Variants in RASGRP4 observed in about 807,000 individuals in gnomAD.
The protein encoded by RASGRP4 is RAS guanyl releasing protein 4, also known as RAS guanyl-releasing protein 4.
In RASGRP4, 52 loss-of-function variants were observed where a neutral mutation model predicts 84.4. The ratio of observed to expected loss-of-function variants is 0.62; its 90% CI spans 0.49 to 0.78. The LOEUF is 0.78. RASGRP4 is among the 30% of genes least tolerant of loss of function. The probability of loss-of-function intolerance (pLI) is 0.00; values close to 1 mark genes in which losing one functional copy is unlikely to be tolerated. For missense variants in RASGRP4, 760 were observed against 886.9 expected, an observed-to-expected ratio of 0.86 and a Z score of 1.82; for synonymous variants, 356 against 359.1, an observed-to-expected ratio of 0.99 and a Z score of 0.10.
Position 38,421,960 on chromosome 19 carries a change from G to A in RASGRP4, c.208+9C>T. 6.2e-7 allele frequency: 1 copy of A among 1,606,694 alleles called. No homozygotes were observed. Among genetic ancestry groups the A allele is most frequent in the Non-Finnish European group, 8.5e-7 (1 of 1,177,040 alleles). The stretch of plus-strand genomic sequence containing the variant: ...GGGCCAGGGAGGCTGCTGGGGAGAG[G>A]ACACTTACCGAAGGACTGGATGCAT... On this transcript the variant is annotated intron_variant, in intron 2 of 16. Coordinates refer to ENST00000615439, the MANE Select transcript of RASGRP4 (RefSeq NM_170604.3).
In RASGRP4 at chr19:38,413,058, G is replaced by A; in HGVS notation, c.1417-9C>T. ...TAATTCTTGAACACAGACTTCAGAG[G>A]AGTGTGGGGAAGCAGATAAGGCCCA... On this transcript the variant is annotated splice_polypyrimidine_tract_variant and intron_variant, in intron 11 of 16. Transcript: ENST00000615439. This position sits in a 1 kb window ranked among gnomAD's most constrained non-coding sequence, Gnocchi z 4.7. 1 of 1,609,378 alleles carries A rather than the reference G, an allele frequency of 6.2e-7. No individual in the cohort carries two copies. The highest frequency in any genetic ancestry group is 8.5e-7 in the Non-Finnish European group (1 of 1,175,674).
chr19:38,418,533 C>T lies in RASGRP4; in HGVS notation c.695G>A (p.Gly232Asp), dbSNP rs1200371680. The T allele has an allele frequency of 1.3e-6, 2 of 1,542,480 alleles. No homozygotes were observed. The highest frequency in any genetic ancestry group is 1.7e-6 in the Non-Finnish European group (2 of 1,143,032). Residue 232 changes from glycine to aspartate, a missense_variant, in exon 7 of 17, where the codon GGC (glycine) becomes GAC (aspartate). Physicochemically the swap from Gly to Asp is moderately conservative, Grantham distance 94. Coordinates refer to ENST00000615439, the MANE Select transcript of RASGRP4 (RefSeq NM_170604.3). The surrounding 1 kb of genome is among the most constrained non-coding windows in gnomAD (Gnocchi z 4.6). Reference protein sequence around the residue: ...PQDLRSYVLQGSVRGCPALEG... With the variant: ...PQDLRSYVLQDSVRGCPALEG... ...CAGGGCCGGGCAGCCTCGTACTGAG[C>T]CCTGCAAAACGTAGCTCCGCAGGTC...
At chr19:38,410,422 T>C (rs1039246209) in intron 16 of RASGRP4, among the ~76,000 whole-genome samples, 1 of 151,406 alleles carries the variant, frequency 6.6e-6, no homozygotes, top group Non-Finnish European at 1.5e-5. Context: ...TTCTTTTTTT[T>C]TTTTTTTTGA....
chr19:38,415,527 C>T (rs1276318963), intron 8 of RASGRP4, among the ~76,000 whole-genome samples: 1 of 151,816 alleles, frequency 6.6e-6, no homozygotes, highest in Non-Finnish European at 1.5e-5. Context: ...CATTGAGCCA[C>T]CACGCCAGGC....
chr19:38,416,756 A>AGCCAGTCCTCC (rs1156817509), intron 8 of RASGRP4, among the ~76,000 whole-genome samples: 1 of 152,156 alleles, frequency 6.6e-6, no homozygotes, highest in East Asian at 1.9e-4. Context: ...TTCTGACCTC[A>AGCCAGTCCTCC]GCCAGTCCTC....
Position 38,426,184 on chromosome 19 carries a change from G to T in RASGRP4, c.-93C>A, listed in dbSNP as rs1971988138. On this transcript the variant is annotated 5_prime_UTR_variant, in exon 1 of 17. Transcript: ENST00000615439. The stretch of plus-strand genomic sequence containing the variant: ...GGACTCCAGCTTCTCAGCCCCTAGG[G>T]AGCTGGGGCCTCCTCGGTGCTTGGG... 5.7e-6 allele frequency: 6 copies of T among 1,052,542 alleles called. No individual in the cohort carries two copies. The highest frequency in any genetic ancestry group is 7.4e-6 in the Non-Finnish European group (6 of 810,008). 65.2% of individuals were successfully genotyped at this position (1,052,542 alleles called of 1,614,324 possible).
Position 38,420,971 on chromosome 19 carries a change from T to C in RASGRP4, c.315-1A>G. 6.2e-7 allele frequency: 1 copy of C among 1,613,930 alleles called. No individual in the cohort carries two copies. Among genetic ancestry groups the C allele is most frequent in the Non-Finnish European group, 8.5e-7 (1 of 1,179,858 alleles). ...GGTGTCCCCTGTGGCCTTCTGGTATTTGAGTTCTGGTCAAGGCTCTGTTTT... is the reference window on the plus strand; with the variant it reads ...GGTGTCCCCTGTGGCCTTCTGGTATCTGAGTTCTGGTCAAGGCTCTGTTTT... On this transcript the variant is annotated splice_acceptor_variant, in intron 3 of 16. Transcript: ENST00000615439. LOFTEE classifies it high-confidence loss of function.
Position 38,417,233 on chromosome 19 carries a change from C to T in RASGRP4, c.838-65G>A. The T allele has an allele frequency of 1.9e-6, 2 of 1,029,272 alleles. No homozygotes were observed. Among genetic ancestry groups the T allele is most frequent in the Non-Finnish European group, 3.0e-6 (2 of 671,972 alleles). 63.8% of individuals were successfully genotyped at this position (1,029,272 alleles called of 1,614,324 possible). On this transcript the variant is annotated intron_variant, in intron 7 of 16. Coordinates refer to ENST00000615439, the MANE Select transcript of RASGRP4 (RefSeq NM_170604.3). This position sits in a 1 kb window ranked among gnomAD's most constrained non-coding sequence, Gnocchi z 5.1. ...GAGGGCAAGTCAGGAGTTCAGATGACAGCATCCCAGTTGAGGTGGGGTCCC... is the reference window on the plus strand; with the variant it reads ...GAGGGCAAGTCAGGAGTTCAGATGATAGCATCCCAGTTGAGGTGGGGTCCC...
chr19:38,420,764 G>C (rs58468353), intron 4 of RASGRP4, 144 bp downstream of exon 4: 7,662 of 746,112 alleles, frequency 0.01, 230 homozygotes, highest in African/African-American at 0.086. Flanking sequence ...CCAAGCTACA[G>C]GTGTCTCAGA....
chr19:38,418,861 T>C lies in RASGRP4; in HGVS notation c.664-297A>G, dbSNP rs953901470. On this transcript the variant is annotated intron_variant, in intron 6 of 16. Transcript: ENST00000615439. This position sits in a 1 kb window ranked among gnomAD's most constrained non-coding sequence, Gnocchi z 4.6. ...TCATTCCATTTTAGAGGTGAGACAG[T>C]TGAGGCACATAGAGGATAGGTAATT... 6.6e-6 allele frequency among the ~76,000 whole-genome samples: 1 copy of C among 152,196 alleles called. No homozygotes were observed. The highest frequency in any genetic ancestry group is 2.4e-5 in the African/African-American group (1 of 41,446).
Position 38,409,150 on chromosome 19 carries a change from G to T in RASGRP4, c.*890C>A, listed in dbSNP as rs550126874. The T allele has an allele frequency of 1.1e-4, 35 of 322,058 alleles. No individual in the cohort carries two copies. The highest frequency in any genetic ancestry group is 1.4e-4 in the Non-Finnish European group (24 of 177,372). 20.0% of individuals were successfully genotyped at this position (322,058 alleles called of 1,614,324 possible). The stretch of plus-strand genomic sequence containing the variant: ...TGGGGTTTGTGAAGGGGTTGGGGGG[G>T]TCTCTGCTCCCTGGGACTGAATGGG... On this transcript the variant is annotated 3_prime_UTR_variant, in exon 17 of 17. Transcript: ENST00000615439.
intron 16 of RASGRP4, 124 bp downstream of exon 16, chr19:38,410,762 C>G: frequency 1.4e-6 from 1 of 693,690 alleles, no homozygotes; most frequent in South Asian, 1.8e-5. Context: ...ACCCTCCTAC[C>G]CCAGCAGTCA....
chr19:38,409,811 C>T lies in RASGRP4; in HGVS notation c.*229G>A, dbSNP rs150508148. On this transcript the variant is annotated 3_prime_UTR_variant, in exon 17 of 17. Coordinates refer to ENST00000615439, the MANE Select transcript of RASGRP4 (RefSeq NM_170604.3). ...AGTCTAAATGTATCCAACACACAGC[C>T]GCACAGATACTAAGTGCAGGGAAAG... The T allele has an allele frequency of 1.9e-4, 92 of 472,740 alleles. No individual in the cohort carries two copies. Among genetic ancestry groups the T allele is most frequent in the African/African-American group, 1.2e-3 (58 of 49,618 alleles). 29.3% of individuals were successfully genotyped at this position (472,740 alleles called of 1,614,324 possible). A position where few individuals can be genotyped will look rare whatever the true frequency, so the allele number is the denominator to read the frequency against.
intron 2 of RASGRP4, 32 bp downstream of exon 2, chr19:38,421,937 G>A: frequency 1.3e-6 from 2 of 1,587,780 alleles, no homozygotes; most frequent in South Asian, 1.1e-5. Context: ...CGAGGTTAGG[G>A]CCAGGGAGGC....
chr19:38,421,874 C>T (rs1336335068), intron 2 of RASGRP4, 95 bp downstream of exon 2: 4 of 1,001,538 alleles, frequency 4.0e-6, no homozygotes, highest in African/African-American at 1.6e-5. Flanking sequence ...CCACCCAGCC[C>T]TGTTCTCATT....
chr19:38,418,283 A>G lies in RASGRP4; in HGVS notation c.837+108T>C. The G allele has an allele frequency of 5.2e-6, 6 of 1,152,130 alleles. No individual in the cohort carries two copies. The highest frequency in any genetic ancestry group is 7.5e-6 in the Non-Finnish European group (6 of 805,198). The allele number at this position is 1,152,130 out of a possible 1,614,324, so 71.4% of individuals were successfully genotyped here. On this transcript the variant is annotated intron_variant, in intron 7 of 16. Transcript: ENST00000615439. This position sits in a 1 kb window ranked among gnomAD's most constrained non-coding sequence, Gnocchi z 4.6. ...GTGGCCTCGGGGGCGGGGCCGGGAG[A>G]TGCGTGACGTCACCGCCGGGATGAC...
In RASGRP4 at chr19:38,419,931, C is replaced by T. The variant is rs746970869; in HGVS notation, c.592G>A (p.Asp198Asn). The change falls in exon 6 of 17, where the codon GAC (aspartate) becomes AAC (asparagine). Residue 198 changes from aspartate (D) to asparagine (N), a missense_variant. Physicochemically the swap from Asp to Asn is conservative, Grantham distance 23. Transcript: ENST00000615439. ...GKKRKVSLLF[D>N]HLETGELAQH... ...GCCAGCTCCCCCGTCTCCAAGTGGT[C>T]GAAAAGCAAGGACACTTTGCGCTTT... The T allele has an allele frequency of 8.1e-6, 13 of 1,613,516 alleles. No individual in the cohort carries two copies. The highest frequency in any genetic ancestry group is 3.3e-4 in the Middle Eastern group (2 of 6,060).
Position 38,412,991 on chromosome 19 carries a change from T to C in RASGRP4, c.1475A>G (p.Glu492Gly), listed in dbSNP as rs1200287744. ...GAAGGGAAAATTGCCCGAGAGTCGCTCAAAGTCCTCCTGAGAGATTGTTCC... is the reference window on the plus strand; with the variant it reads ...GAAGGGAAAATTGCCCGAGAGTCGCCCAAAGTCCTCCTGAGAGATTGTTCC... ...GRGTISQEDF[E>G]RLSGNFPFAC... The change falls in exon 12 of 17, where the codon GAG becomes GGG. Residue 492 changes from glutamate (E) to glycine (G), a missense_variant. Transcript: ENST00000615439. The surrounding 1 kb of genome is among the most constrained non-coding windows in gnomAD (Gnocchi z 4.6). The C allele has an allele frequency of 1.2e-6, 2 of 1,614,008 alleles. No individual in the cohort carries two copies. Among genetic ancestry groups the C allele is most frequent in the Non-Finnish European group, 1.7e-6 (2 of 1,179,884 alleles).
At position 38,418,424 on chromosome 19, in the gene RASGRP4, T is replaced by G. The variant is rs1408946888; in HGVS notation, c.804A>C (p.Ala268=). The G allele has an allele frequency of 6.2e-7, 1 of 1,607,026 alleles. No homozygotes were observed. The highest frequency in any genetic ancestry group is 1.1e-5 in the South Asian group (1 of 89,642). Residue 268 remains alanine (A), a synonymous_variant, in exon 7 of 17, where the codon GCA becomes GCC. Transcript: ENST00000615439. The surrounding 1 kb of genome is among the most constrained non-coding windows in gnomAD (Gnocchi z 4.6). ...VLSRPGPLQR[A]QVLDKFIHVA... is the part of the protein sequence containing the mutation. ...CGTGAATGAACTTGTCCAGCACCTG[T>G]GCACGCTGTAGGGGCCCGGGACGGC...
Sources: gnomAD v4.1 joint callset for allele counts (sites outside exome capture counted in the v4.1 genomes callset) on GRCh38, gnomAD v4.1.1 for gene constraint, Gnocchi (gnomAD v3.1) non-coding constraint, MANE v1.5 for transcripts, NCBI Gene and HGNC (gene_info 2026-07-23, HGNC 2026-07-21) for gene names.